The following ADK variants were observed in gnomAD, a reference collection of about 807,000 sequenced individuals.
ADK encodes adenosine kinase.
ADK carries 24 observed loss-of-function variants against 44.7 expected under a neutral mutation model. The observed-to-expected ratio is 0.54, with a 90% CI of 0.39 to 0.76. The LOEUF is 0.76. Among genes scored for constraint, ADK ranks in the 30% least tolerant of loss-of-function variants. The probability of loss-of-function intolerance (pLI) is 0.00; values close to 1 mark genes in which losing one functional copy is unlikely to be tolerated. For synonymous variants in ADK, 128 were observed against 142.6 expected (o/e 0.90, Z 0.73); for missense variants, 321 against 425.1 (o/e 0.76, Z 2.15).
chr10:74,551,251 A>G (rs748003118), intron 7 of ADK: 9 of 152,208 alleles, frequency 5.9e-5, no homozygotes, highest in Non-Finnish European at 1.2e-4. Context: ...CCACACACCA[A>G]AATTAATTCT....
intron 6 of ADK, among the ~76,000 whole-genome samples, chr10:74,456,656 G>A: frequency 9.9e-6 from 1 of 101,122 alleles, no homozygotes; most frequent in African/African-American, 3.9e-5. Flanking sequence ...GACAGAGCGA[G>A]ACTCCATCTC....
chr10:74,417,648 C>T (rs1844418281), intron 6 of ADK, among the ~76,000 whole-genome samples: 1 of 151,792 alleles, frequency 6.6e-6, no homozygotes, highest in African/African-American at 2.4e-5. Flanking sequence ...TAAAGCAAGG[C>T]ATCAGCGAAC....
At chr10:74,159,322 T>G (rs1841832191) in intron 1 of ADK, among the ~76,000 whole-genome samples, 1 of 152,246 alleles carries the variant, frequency 6.6e-6, no homozygotes, top group Non-Finnish European at 1.5e-5. Flanking sequence ...GTTACTGTAT[T>G]AACATGGTCT....
intron 1 of ADK, among the ~76,000 whole-genome samples, chr10:74,170,657 G>A (rs545225487): frequency 2.6e-5 from 4 of 151,840 alleles, no homozygotes; most frequent in South Asian, 2.1e-4. Context: ...AAAATTTGCC[G>A]GGCGTGGTGG....
intron 7 of ADK, chr10:74,527,936 AT>A: frequency 2.6e-6 from 2 of 783,010 alleles, no homozygotes; most frequent in Non-Finnish European, 4.5e-6. Flanking sequence ...CTTCGACTTC[AT>A]TGTGGCCTTT....
intron 9 of ADK, among the ~76,000 whole-genome samples, chr10:74,661,660 A>G (rs1345346865): frequency 6.6e-6 from 1 of 152,156 alleles, no homozygotes; most frequent in African/African-American, 2.4e-5. Flanking sequence ...TTCTGTCTCT[A>G]TTCCTCTTGG....
intron 9 of ADK, among the ~76,000 whole-genome samples, chr10:74,669,834 G>A (rs1360417718): frequency 6.6e-6 from 1 of 152,054 alleles, no homozygotes; most frequent in Non-Finnish European, 1.5e-5. Flanking sequence ...AGAAACCCAT[G>A]ATCCAATCCA....
chr10:74,219,770 C>T (rs1482737492), intron 2 of ADK, among the ~76,000 whole-genome samples: 1 of 150,998 alleles, frequency 6.6e-6, no homozygotes, highest in Non-Finnish European at 1.5e-5. Flanking sequence ...TGAATGACTA[C>T]TGGGTACATA....
intron 6 of ADK, among the ~76,000 whole-genome samples, chr10:74,441,733 A>C (rs896030966): frequency 6.6e-6 from 1 of 152,168 alleles, no homozygotes; most frequent in Non-Finnish European, 1.5e-5. Flanking sequence ...CAAACCAAAA[A>C]GTTTCTGCAC....
rs371328376 is a variant in ADK, at chr10:74,412,309, T to C, written c.555+13730T>C. Among the ~76,000 whole-genome samples the C allele has an allele frequency of 2.2e-4, 34 of 152,162 alleles. 1 individual carries two copies. Among genetic ancestry groups the C allele is most frequent in the Middle Eastern group, 6.8e-3 (2 of 294 alleles). On this transcript the variant is annotated intron_variant, in intron 6 of 10. Coordinates refer to ENST00000539909, the MANE Select transcript of ADK (RefSeq NM_006721.4). ...TCAAGCAATCCTCCCACCTCATCAT[T>C]TATTTTATTTTTGTAGAGACGAGGT...
intron 1 of ADK, among the ~76,000 whole-genome samples, chr10:74,161,501 G>A (rs1387990715): frequency 2.0e-5 from 3 of 151,702 alleles, no homozygotes; most frequent in Non-Finnish European, 4.4e-5. Context: ...GAGTCACCGC[G>A]CCTGGCCTAT....
chr10:74,213,803 C>T (rs1843917791), intron 2 of ADK, among the ~76,000 whole-genome samples: 1 of 151,938 alleles, frequency 6.6e-6, no homozygotes, highest in Non-Finnish European at 1.5e-5. Flanking sequence ...AGACAGAAGC[C>T]AGAAATAAAA....
intron 4 of ADK, among the ~76,000 whole-genome samples, chr10:74,343,095 A>G (rs1022493149): frequency 6.6e-6 from 1 of 152,212 alleles, no homozygotes; most frequent in Admixed American, 6.5e-5. Context: ...TTCACCATTA[A>G]GTTTGATGTT....
chr10:74,440,574 T>G (rs1193809947), intron 6 of ADK, among the ~76,000 whole-genome samples: 1 of 152,168 alleles, frequency 6.6e-6, no homozygotes, highest in Non-Finnish European at 1.5e-5. Flanking sequence ...GATCTACCAT[T>G]ATGTTCATAA....
chr10:74,289,243 AGGTCTCACTTTGTTGCCCAGGCT>A (rs1273408995), intron 3 of ADK, among the ~76,000 whole-genome samples: 1 of 152,180 alleles, frequency 6.6e-6, no homozygotes, highest in Non-Finnish European at 1.5e-5. Flanking sequence ...TGTAGAGACA[AGGTCTCACTTTGTTGCCCAGGCT>A]GGTCTTGAAC....
chr10:74,422,014 T>A (rs543505714), intron 6 of ADK, among the ~76,000 whole-genome samples: 2 of 152,210 alleles, frequency 1.3e-5, no homozygotes, highest in African/African-American at 4.8e-5. Context: ...CTACTTCCCT[T>A]CTCCTTGAGA....
intron 4 of ADK, among the ~76,000 whole-genome samples, chr10:74,385,674 TCTGTAATAGGCA>T (rs1399037659): frequency 1.8e-4 from 27 of 152,228 alleles, no homozygotes; most frequent in African/African-American, 6.3e-4. Context: ...TCAGCTGTAC[TCTGTAATAGGCA>T]CTGCCTTGAA....
At chr10:74,326,369 A>G (rs985007299) in intron 4 of ADK, among the ~76,000 whole-genome samples, 2 of 151,992 alleles carry the variant, frequency 1.3e-5, no homozygotes, top group Non-Finnish European at 2.9e-5. Flanking sequence ...AGGCTGAGGC[A>G]GAACTTCAAG....
chr10:74,631,918 T>A (rs1853438936), intron 9 of ADK, among the ~76,000 whole-genome samples: 1 of 152,150 alleles, frequency 6.6e-6, no homozygotes. Context: ...CCAATCTCAG[T>A]TTTTTACTTA....
Sources: allele counts gnomAD v4.1 joint callset (sites outside exome capture counted in the v4.1 genomes callset), GRCh38; gene constraint gnomAD v4.1.1; transcripts MANE v1.5; gene names NCBI Gene and HGNC (gene_info 2026-07-23, HGNC 2026-07-21).